The following LRMDA variants were observed in gnomAD, a reference collection of about 807,000 sequenced individuals.
LRMDA encodes leucine-rich melanocyte differentiation-associated protein.
LRMDA carries 18 observed loss-of-function variants against 29.8 expected under a neutral mutation model. The ratio of observed to expected loss-of-function variants is 0.60; its 90% confidence interval spans 0.42 to 0.90. LRMDA has a LOEUF of 0.90. Ranked by LOEUF, LRMDA falls within the 40% of genes least tolerant of loss-of-function variation. LRMDA has a pLI of 0.00. For synonymous variants in LRMDA, 125 were observed against 109.4 expected (o/e 1.14, Z -0.89); for missense variants, 273 against 273.9 (o/e 1.00, Z 0.02).
Position 76,552,483 on chromosome 10 carries a change from T to A in LRMDA, c.602-4726T>A, listed in dbSNP as rs568892134. On this transcript the variant is annotated intron_variant, in intron 6 of 6. Transcript: ENST00000611255. ...GGCTGACTTAGTCCAAATCAATTTT[T>A]TTATTGACTGACCTGTTGAATTTGT... Among the ~76,000 whole-genome samples the A allele has an allele frequency of 2.6e-5, 4 of 152,354 alleles. No homozygotes were observed. The East Asian group carries it at 7.7e-4, about 29-fold the overall frequency.
intron 2 of LRMDA, among the ~76,000 whole-genome samples, chr10:75,463,270 G>A (rs763962261): frequency 3.3e-5 from 5 of 152,126 alleles, no homozygotes; most frequent in Non-Finnish European, 7.4e-5. Context: ...GGGAACTTGT[G>A]AAAATGCAGT....
intron 2 of LRMDA, among the ~76,000 whole-genome samples, chr10:75,700,954 T>C (rs1304221543): frequency 6.6e-6 from 1 of 152,234 alleles, no homozygotes; most frequent in African/African-American, 2.4e-5. Flanking sequence ...AAATCATCTG[T>C]TTCACAATTT....
intron 6 of LRMDA, among the ~76,000 whole-genome samples, chr10:76,391,890 A>G (rs1278271898): frequency 6.6e-6 from 1 of 152,168 alleles, no homozygotes; most frequent in Non-Finnish European, 1.5e-5. Context: ...AAGTCTATGC[A>G]AATTATATCT....
At chr10:76,105,488 G>A (rs1292754493) in intron 5 of LRMDA, among the ~76,000 whole-genome samples, 1 of 152,074 alleles carries the variant, frequency 6.6e-6, no homozygotes, top group Non-Finnish European at 1.5e-5. Context: ...TCCTATATTA[G>A]TGTAAGCCCT....
chr10:75,651,666 A>G (rs1417657659), intron 2 of LRMDA, among the ~76,000 whole-genome samples: 1 of 152,242 alleles, frequency 6.6e-6, no homozygotes, highest in Non-Finnish European at 1.5e-5. Context: ...GTTGAGAGCC[A>G]TGCTGCTGTT....
chr10:75,630,524 A>G (rs1162530794), intron 2 of LRMDA, among the ~76,000 whole-genome samples: 4 of 152,198 alleles, frequency 2.6e-5, no homozygotes, highest in Non-Finnish European at 5.9e-5. Context: ...CAGAAGGGAT[A>G]TTAGAGTCCC....
chr10:75,890,970 G>A (rs1182982398), intron 2 of LRMDA, among the ~76,000 whole-genome samples: 1 of 152,100 alleles, frequency 6.6e-6, no homozygotes, highest in Non-Finnish European at 1.5e-5. Flanking sequence ...TGGCCATGGT[G>A]GCATATGCCT....
At chr10:76,234,797 G>A (rs1208515701) in intron 5 of LRMDA, among the ~76,000 whole-genome samples, 2 of 152,192 alleles carry the variant, frequency 1.3e-5, no homozygotes, top group African/African-American at 4.8e-5. Flanking sequence ...TAAATGAGGA[G>A]AGTTAAGGCC....
intron 2 of LRMDA, among the ~76,000 whole-genome samples, chr10:75,892,791 A>T (rs1373826067): frequency 6.6e-6 from 1 of 152,140 alleles, no homozygotes; most frequent in Admixed American, 6.5e-5. Context: ...GGCCTAAGGA[A>T]TCACAGATAA....
intron 6 of LRMDA, among the ~76,000 whole-genome samples, chr10:76,408,850 G>A (rs1341365017): frequency 3.3e-5 from 5 of 152,258 alleles, no homozygotes; most frequent in Admixed American, 1.3e-4. Flanking sequence ...TTGGTGGTTT[G>A]CATACTCCCC....
intron 2 of LRMDA, among the ~76,000 whole-genome samples, chr10:75,805,734 C>G (rs948050560): frequency 2.6e-5 from 4 of 152,124 alleles, no homozygotes; most frequent in African/African-American, 4.8e-5. Context: ...GTATGTGGCA[C>G]TTTTGGGGTT....
chr10:75,872,215 A>G (rs1412428523), intron 2 of LRMDA, among the ~76,000 whole-genome samples: 2 of 152,076 alleles, frequency 1.3e-5, no homozygotes, highest in African/African-American at 2.4e-5. Context: ...TCCTTAATAA[A>G]TGTTGGTTGA....
chr10:75,608,110 G>GTGTATATATATATATATATATATA (rs1491171608), intron 2 of LRMDA, among the ~76,000 whole-genome samples: 1 of 101,334 alleles, frequency 9.9e-6, no homozygotes, highest in African/African-American at 2.8e-5. Context: ...TGTAGTGTGT[G>GTGTATATATATATATATATATATA]TATATATATA....
intron 4 of LRMDA, among the ~76,000 whole-genome samples, chr10:76,055,342 C>T (rs1318121613): frequency 7.2e-5 from 11 of 152,108 alleles, no homozygotes; most frequent in South Asian, 6.2e-4. Flanking sequence ...ACAATGAGTC[C>T]TGTGAAGGTT....
intron 5 of LRMDA, among the ~76,000 whole-genome samples, chr10:76,308,600 A>G (rs997321152): frequency 6.6e-6 from 1 of 152,268 alleles, no homozygotes; most frequent in South Asian, 2.1e-4. Flanking sequence ...GCTACACATC[A>G]GAGACCATGG....
At chr10:76,144,903 G>T (rs950940380) in intron 5 of LRMDA, among the ~76,000 whole-genome samples, 1 of 152,140 alleles carries the variant, frequency 6.6e-6, no homozygotes, top group Non-Finnish European at 1.5e-5. Context: ...TTAGCATGAA[G>T]TGTTGTTGAA....
At chr10:75,461,634 G>T (rs966077420) in intron 2 of LRMDA, among the ~76,000 whole-genome samples, 3 of 152,208 alleles carry the variant, frequency 2.0e-5, no homozygotes, top group African/African-American at 7.2e-5. Context: ...GGAGCTCAAT[G>T]AGAAAAATAA....
chr10:75,771,251 C>T (rs1843236868), intron 2 of LRMDA, among the ~76,000 whole-genome samples: 1 of 152,032 alleles, frequency 6.6e-6, no homozygotes, highest in Non-Finnish European at 1.5e-5. Context: ...TTCACTCCCT[C>T]CCTCCTTCCC....
intron 5 of LRMDA, among the ~76,000 whole-genome samples, chr10:76,228,478 A>T (rs1414250062): frequency 1.3e-5 from 2 of 152,168 alleles, no homozygotes; most frequent in African/African-American, 2.4e-5. Context: ...TCCAGAATTC[A>T]TAGGATTGGC....
Sources: allele counts gnomAD v4.1 joint callset (sites outside exome capture counted in the v4.1 genomes callset), GRCh38; gene constraint gnomAD v4.1.1; transcripts MANE v1.5; gene names NCBI Gene and HGNC (gene_info 2026-07-23, HGNC 2026-07-21).